The following CSMD1 variants were observed in gnomAD, a reference collection of about 807,000 sequenced individuals.
CSMD1 encodes the protein CUB and sushi domain-containing protein 1.
In CSMD1, 213 loss-of-function variants were observed where a neutral mutation model predicts 417.5. The observed-to-expected ratio is 0.51, with a 90% CI of 0.46 to 0.57. The LOEUF (loss-of-function observed/expected upper bound fraction) is 0.57. Among genes scored for constraint, CSMD1 ranks in the 20% least tolerant of loss-of-function variants. CSMD1 has a pLI of 0.00. For synonymous variants in CSMD1, 2,862 were observed against 1,736.8 expected, an observed-to-expected ratio of 1.65 and a Z score of -16.11; for missense variants, 6,923 against 4,529.7, an observed-to-expected ratio of 1.53 and a Z score of -15.17.
chr8:4,525,391 G>A (rs1796464785), intron 2 of CSMD1, among the ~76,000 whole-genome samples: 1 of 152,114 alleles, frequency 6.6e-6, no homozygotes, highest in Non-Finnish European at 1.5e-5. Context: ...ACTCACAGCT[G>A]AACCACCAAC....
chr8:3,887,470 G>C (rs1266245948), intron 5 of CSMD1, among the ~76,000 whole-genome samples: 1 of 152,174 alleles, frequency 6.6e-6, no homozygotes, highest in Non-Finnish European at 1.5e-5. Context: ...TTTTGTTCTA[G>C]GCGTCCAGTT....
rs115917621 is a variant in CSMD1 at position 4,308,151 on chromosome 8, C to T, written c.415+111802G>A. ...TGTGTTTTACTTAGAGAAACAAGAG[C>T]GTTTCTTCGAATGTTCCTCAATATC... is the stretch of plus-strand genomic sequence containing the variant. On this transcript the variant is annotated intron_variant, in intron 3 of 69. Coordinates refer to ENST00000635120, the MANE Select transcript of CSMD1 (RefSeq NM_033225.6). Among the ~76,000 whole-genome samples the T allele has an allele frequency of 3.6e-3, 543 of 152,232 alleles. 3 individuals are homozygous for T. The highest frequency in any genetic ancestry group is 0.012 in the African/African-American group (511 of 41,538).
At chr8:4,549,494 C>T (rs1185184231) in intron 2 of CSMD1, among the ~76,000 whole-genome samples, 1 of 152,126 alleles carries the variant, frequency 6.6e-6, no homozygotes, top group African/African-American at 2.4e-5. Flanking sequence ...CTTCCAATAA[C>T]TCTTTAACCT....
At chr8:4,246,496 A>G (rs1802717381) in intron 3 of CSMD1, among the ~76,000 whole-genome samples, 1 of 152,206 alleles carries the variant, frequency 6.6e-6, no homozygotes, top group African/African-American at 2.4e-5. Context: ...AAGAGTTTTT[A>G]AAGAAAATTG....
At chr8:4,400,069 C>T (rs1404928711) in intron 3 of CSMD1, among the ~76,000 whole-genome samples, 1 of 152,024 alleles carries the variant, frequency 6.6e-6, no homozygotes, top group Non-Finnish European at 1.5e-5. Context: ...TATCAGCATG[C>T]CAAAAGAGAG....
At chr8:3,706,548 T>G (rs994605071) in intron 7 of CSMD1, among the ~76,000 whole-genome samples, 7 of 152,274 alleles carry the variant, frequency 4.6e-5, no homozygotes, top group Admixed American at 4.6e-4. Context: ...AATGAGTCAT[T>G]ATGCATATGT....
chr8:4,554,390 G>A (rs1406793771), intron 2 of CSMD1, among the ~76,000 whole-genome samples: 1 of 152,124 alleles, frequency 6.6e-6, no homozygotes, highest in Non-Finnish European at 1.5e-5. Flanking sequence ...ACCTGCCTCG[G>A]CCTCCCAAAG....
chr8:4,725,492 C>A (rs577667234), intron 1 of CSMD1, among the ~76,000 whole-genome samples: 2 of 152,286 alleles, frequency 1.3e-5, no homozygotes, highest in East Asian at 3.9e-4. Context: ...GTTACGTGAG[C>A]TCCACAAGGG....
chr8:3,389,343 C>T (rs1811207690), intron 17 of CSMD1, among the ~76,000 whole-genome samples: 1 of 152,040 alleles, frequency 6.6e-6, no homozygotes, highest in Admixed American at 6.6e-5. Flanking sequence ...ATTTAGCTCC[C>T]ACTTATAAGT....
In CSMD1 at chr8:3,911,460, G is replaced by A. The variant is rs1808462107; in HGVS notation, c.818+86443C>T. Among the ~76,000 whole-genome samples the A allele has an allele frequency of 2.6e-5, 4 of 151,248 alleles. No homozygotes were observed. In the South Asian group the frequency reaches 6.3e-4, roughly 24 times the overall value. ...GGAGAATGGCGTGAACCCGCGAGGC[G>A]GAGCCTGCAGTGAGCCAAGATTGCG... is the stretch of plus-strand genomic sequence containing the variant. On this transcript the variant is annotated intron_variant, in intron 5 of 69. Coordinates refer to ENST00000635120, the MANE Select transcript of CSMD1 (RefSeq NM_033225.6).
chr8:3,860,539 T>A (rs374852170), intron 5 of CSMD1, among the ~76,000 whole-genome samples: 2 of 152,182 alleles, frequency 1.3e-5, no homozygotes, highest in East Asian at 3.8e-4. Flanking sequence ...TCTGGTGGCC[T>A]GGATTTACCA....
At chr8:4,336,961 A>C (rs999319262) in intron 3 of CSMD1, among the ~76,000 whole-genome samples, 1 of 152,092 alleles carries the variant, frequency 6.6e-6, no homozygotes, top group Non-Finnish European at 1.5e-5. Context: ...AAATGGAGCA[A>C]ACCCTCAGGA....
In CSMD1 at chr8:3,245,080, T is replaced by C. The variant is rs574724666; in HGVS notation, c.4154-14849A>G. On this transcript the variant is annotated intron_variant, in intron 26 of 69. Coordinates refer to ENST00000635120, the MANE Select transcript of CSMD1 (RefSeq NM_033225.6). ...GTGGAGGAAAGGGGACGTGTTAGCATTGTGAATTTGTAAAGCAGATCATGA... is the reference window on the plus strand; with the variant it reads ...GTGGAGGAAAGGGGACGTGTTAGCACTGTGAATTTGTAAAGCAGATCATGA... 3.3e-5 allele frequency among the ~76,000 whole-genome samples: 5 copies of C among 152,328 alleles called. No individual in the cohort carries two copies. In the East Asian group the frequency reaches 9.7e-4, roughly 29 times the overall value.
intron 1 of CSMD1, among the ~76,000 whole-genome samples, chr8:4,980,479 G>A (rs193046507): frequency 2.8e-3 from 428 of 152,324 alleles, no homozygotes; most frequent in Non-Finnish European, 5.0e-3. Context: ...GGCCTCCTGG[G>A]AGAAACACTG....
At chr8:4,160,420 G>A (rs1444040995) in intron 3 of CSMD1, among the ~76,000 whole-genome samples, 1 of 152,144 alleles carries the variant, frequency 6.6e-6, no homozygotes, top group Admixed American at 6.5e-5. Flanking sequence ...TAAATTCAAT[G>A]AAATAGTCCA....
chr8:3,202,099 C>G (rs995738484), intron 31 of CSMD1, among the ~76,000 whole-genome samples: 1 of 152,032 alleles, frequency 6.6e-6, no homozygotes. Flanking sequence ...ACCTGGAAGG[C>G]GAAGGTTGCA....
intron 49 of CSMD1, among the ~76,000 whole-genome samples, chr8:3,066,572 T>G (rs983317234): frequency 1.3e-5 from 2 of 152,216 alleles, no homozygotes; most frequent in Non-Finnish European, 2.9e-5. Context: ...TATTTTGTCT[T>G]AATTTCTGAG....
At chr8:4,035,825 A>C (rs957619455) in intron 3 of CSMD1, among the ~76,000 whole-genome samples, 1 of 152,080 alleles carries the variant, frequency 6.6e-6, no homozygotes, top group African/African-American at 2.4e-5. Flanking sequence ...CATTTAGTGT[A>C]CTCTAAGTGT....
intron 1 of CSMD1, among the ~76,000 whole-genome samples, chr8:4,828,080 T>A (rs1386872123): frequency 6.6e-6 from 1 of 152,138 alleles, no homozygotes; most frequent in Non-Finnish European, 1.5e-5. Flanking sequence ...AGTCCAATAT[T>A]CTTCAGTCTT....
Sources: gnomAD v4.1 joint callset for allele counts (sites outside exome capture counted in the v4.1 genomes callset) on GRCh38, gnomAD v4.1.1 for gene constraint, MANE v1.5 for transcripts, NCBI Gene and HGNC (gene_info 2026-07-23, HGNC 2026-07-21) for gene names.